Variants in SYCP3 observed in about 807,000 individuals in gnomAD.
SYCP3 encodes synaptonemal complex protein 3.
Under a neutral mutation model 38.5 loss-of-function variants are expected in SYCP3, and 29 were observed. The observed-to-expected ratio is 0.75, with a 90% CI of 0.56 to 1.03. The LOEUF is 1.03. SYCP3 is among the 50% of genes least tolerant of loss of function. The probability of loss-of-function intolerance (pLI) is 0.00; values close to 1 mark genes in which losing one functional copy is unlikely to be tolerated. For missense variants in SYCP3, 242 were observed against 270.7 expected, an observed-to-expected ratio of 0.89 and a Z score of 0.74; for synonymous variants, 79 against 80.3, an observed-to-expected ratio of 0.98 and a Z score of 0.08.
intron 4 of SYCP3, among the ~76,000 whole-genome samples, chr12:101,736,009 A>G (rs572729792): frequency 9.5e-4 from 136 of 143,082 alleles, no homozygotes; most frequent in African/African-American, 3.5e-3. Flanking sequence ...CTGGCCATCA[A>G]TGATACTTTT....
At chr12:101,730,158 A>C (rs1952121586) in intron 7 of SYCP3, among the ~76,000 whole-genome samples, 1 of 152,170 alleles carries the variant, frequency 6.6e-6, no homozygotes, top group African/African-American at 2.4e-5. Flanking sequence ...GAACAGAGAC[A>C]TCAGTTAAGA....
At chr12:101,736,181 C>T (rs1273814362) in intron 4 of SYCP3, among the ~76,000 whole-genome samples, 1 of 151,798 alleles carries the variant, frequency 6.6e-6, no homozygotes, top group Non-Finnish European at 1.5e-5. Flanking sequence ...CATTTTTACC[C>T]ATAAGAACTG....
rs1278225394 is a variant in SYCP3 at position 101,729,202 on chromosome 12, C to G, written c.564G>C (p.Glu188Asp). The change falls in exon 8 of 9, where the codon GAG (glutamate) becomes GAC (aspartate). Residue 188 changes from glutamate to aspartate, a missense_variant. Transcript: ENST00000392924. ...LYEQFIKSME[E>D]LEKNHDNLLT... ...GTAGATTATCATGATTCTTCTCCAA[C>G]TCTTCCATACTCTAAAAACACAAAA... 6.2e-7 allele frequency: 1 copy of G among 1,612,908 alleles called. No homozygotes were observed. Among genetic ancestry groups the G allele is most frequent in the Non-Finnish European group, 8.5e-7 (1 of 1,179,450 alleles).
chr12:101,739,238 C>G, intron 1 of SYCP3, 113 bp downstream of exon 1: 1 of 994,078 alleles, frequency 1.0e-6, no homozygotes, highest in African/African-American at 1.7e-5. Context: ...TCGCGGCCTC[C>G]GTTTTCTCGT....
In SYCP3 at chr12:101,731,647, T is replaced by C. The variant is rs1422532201; in HGVS notation, c.473A>G (p.Gln158Arg). Residue 158 changes from glutamine (Q) to arginine (R), a missense_variant, in exon 7 of 9, where the codon CAA (glutamine) becomes CGA (arginine). By Grantham distance (43) the Gln-to-Arg change is conservative. Transcript: ENST00000392924. ...EKILNMFRQQ[Q>R]KILQQSRIVQ... ...AATTCTAGATTGTTGAAGAATCTTT[T>C]GTTGCTGTCGAAACATATTCTACAA... The C allele has an allele frequency of 6.9e-6, 11 of 1,601,686 alleles. No individual in the cohort carries two copies. The highest frequency in any genetic ancestry group is 8.5e-6 in the Non-Finnish European group (10 of 1,177,272).
At chr12:101,736,519 G>T (rs935372556) in intron 4 of SYCP3, among the ~76,000 whole-genome samples, 1 of 151,874 alleles carries the variant, frequency 6.6e-6, no homozygotes, top group South Asian at 2.1e-4. Context: ...GAGAATTTTT[G>T]AACCTAATTA....
chr12:101,730,491 ATTTTTTTT>A (rs201662453), intron 7 of SYCP3: 11 of 328,700 alleles, frequency 3.3e-5, no homozygotes, highest in East Asian at 1.1e-4. Flanking sequence ...TGTGTGTATA[ATTTTTTTT>A]TTTTTTTTTT....
intron 4 of SYCP3, 23 bp from the exon 5 acceptor site, chr12:101,735,067 T>C (rs1297374317): frequency 1.3e-6 from 2 of 1,500,006 alleles, no homozygotes; most frequent in Admixed American, 1.7e-5. Flanking sequence ...TAAAAATTCA[T>C]TAAAATTTAA....
chr12:101,738,009 T>C, intron 1 of SYCP3, 57 bp from the exon 2 acceptor site: 1 of 1,578,220 alleles, frequency 6.3e-7, no homozygotes, highest in Non-Finnish European at 8.7e-7. Context: ...TTTAATACAC[T>C]GGTAAAAGTT....
rs772624476 is a variant in SYCP3, at chr12:101,731,592, T to C, written c.528A>G (p.Lys176=). The C allele has an allele frequency of 7.5e-6, 12 of 1,606,694 alleles. No homozygotes were observed. The highest frequency in any genetic ancestry group is 2.2e-5 in the East Asian group (1 of 44,646). ...CCTTTATGAACTGCTCATATAACTG[T>C]TTAATTGTTTTCAATCTCTGGCTCT... ...IVQSQRLKTI[K]QLYEQFIKSM... The change falls in exon 7 of 9, where the codon AAA becomes AAG. Residue 176 remains lysine (K), a synonymous_variant. Transcript: ENST00000392924.
intron 1 of SYCP3, 68 bp from the exon 2 acceptor site, chr12:101,738,020 TAAATATCA>T: frequency 6.4e-7 from 1 of 1,557,300 alleles, no homozygotes; most frequent in Non-Finnish European, 8.8e-7. Context: ...GGTAAAAGTT[TAAATATCA>T]AAGGAGATAT....
rs767004353 is a variant in SYCP3, at chr12:101,737,862, T to C, written c.74A>G (p.Tyr25Cys). The C allele has an allele frequency of 5.6e-6, 9 of 1,614,122 alleles. No individual in the cohort carries two copies. The highest frequency in any genetic ancestry group is 7.6e-6 in the Non-Finnish European group (9 of 1,180,056). ...PSVEDQFTRA[Y>C]DFETEDKKDL... ...TTTCTTATCTTCAGTCTCAAAGTCATAGGCTCTCGTAAACTGATCTTCCAC... is the reference window on the plus strand; with the variant it reads ...TTTCTTATCTTCAGTCTCAAAGTCACAGGCTCTCGTAAACTGATCTTCCAC... Residue 25 changes from tyrosine (Y) to cysteine (C), a missense_variant, in exon 2 of 9, where the codon TAT becomes TGT. Coordinates refer to ENST00000392924, the MANE Select transcript of SYCP3 (RefSeq NM_001177949.2).
rs1196867051 is a variant in SYCP3, at chr12:101,737,260, A to C, written c.172T>G (p.Ser58Ala). 2 of 1,612,966 alleles carry C rather than the reference A, an allele frequency of 1.2e-6. No individual in the cohort carries two copies. The highest frequency in any genetic ancestry group is 1.7e-6 in the Non-Finnish European group (2 of 1,179,826). Residue 58 changes from serine (S) to alanine (A), a missense_variant, in exon 3 of 9, where the codon TCT (serine) becomes GCT (alanine). Coordinates refer to ENST00000392924, the MANE Select transcript of SYCP3 (RefSeq NM_001177949.2). Reference protein sequence around the residue: ...AVIEKRRKKRSSAGVVEDMGG... With the variant: ...AVIEKRRKKRASAGVVEDMGG... ...ATATCTTCAACTACTCCTGCAGAAG[A>C]CCTTTTCTTCCTACGTTTCTCAATG... is the stretch of plus-strand genomic sequence containing the variant.
chr12:101,733,404 A>G, intron 6 of SYCP3, 171 bp downstream of exon 6: 1 of 588,772 alleles, frequency 1.7e-6, no homozygotes, highest in Non-Finnish European at 3.0e-6. Context: ...AATGCCTTTT[A>G]TGAGTATGGT....
At chr12:101,731,884 T>C (rs899104059) in intron 6 of SYCP3, 1 of 395,512 alleles carries the variant, frequency 2.5e-6, no homozygotes, top group Non-Finnish European at 4.5e-6. Flanking sequence ...ATTTTAACAA[T>C]AATCAAGTCA....
intron 7 of SYCP3, among the ~76,000 whole-genome samples, chr12:101,731,247 A>C (rs1952178145): frequency 1.3e-5 from 2 of 152,212 alleles, no homozygotes; most frequent in Non-Finnish European, 1.5e-5. Context: ...CAACCTAAAA[A>C]TGATTATTAT....
chr12:101,731,002 A>G (rs865997110), intron 7 of SYCP3, among the ~76,000 whole-genome samples: 4 of 152,166 alleles, frequency 2.6e-5, no homozygotes, highest in Non-Finnish European at 4.4e-5. Flanking sequence ...ACAGACTACA[A>G]TTTGCTAATA....
chr12:101,735,713 C>T (rs1012255632), intron 4 of SYCP3, among the ~76,000 whole-genome samples: 2 of 150,998 alleles, frequency 1.3e-5, no homozygotes, highest in Admixed American at 6.6e-5. Flanking sequence ...TTATAAAATA[C>T]ACCCCAATTA....
At chr12:101,730,709 C>T (rs1419868587) in intron 7 of SYCP3, 1 of 229,720 alleles carries the variant, frequency 4.4e-6, no homozygotes, top group African/African-American at 2.4e-5. Context: ...TGTCATGTTG[C>T]TCAGGCTGGT....
Sources: gnomAD v4.1 joint callset for allele counts (sites outside exome capture counted in the v4.1 genomes callset) on GRCh38, gnomAD v4.1.1 for gene constraint, MANE v1.5 for transcripts, NCBI Gene and HGNC (gene_info 2026-07-23, HGNC 2026-07-21) for gene names.